Variants in PTPRF observed in about 807,000 individuals in gnomAD.
PTPRF encodes the protein receptor-type tyrosine-protein phosphatase F.
Under a neutral mutation model 201.8 loss-of-function variants are expected in PTPRF, and 59 were observed. That is an observed-to-expected ratio of 0.29 (90% confidence interval 0.24 to 0.36). The LOEUF (loss-of-function observed/expected upper bound fraction) is 0.36. Ranked by LOEUF, PTPRF falls within the 10% of genes least tolerant of loss-of-function variation. The pLI is 1.00. For synonymous variants in PTPRF, 1,088 were observed against 1,089.7 expected (o/e 1.00, Z 0.03); for missense variants, 2,132 against 2,690.5 (o/e 0.79, Z 4.59).
Position 43,554,076 on chromosome 1 carries a change from C to T in PTPRF, c.379+135C>T. 8.3e-7 allele frequency: 1 copy of T among 1,211,740 alleles called. No homozygotes were observed. Among genetic ancestry groups the T allele is most frequent in the South Asian group, 1.5e-5 (1 of 66,412 alleles). The allele number at this position is 1,211,740 out of a possible 1,614,324, so 75.1% of individuals were successfully genotyped here. On this transcript the variant is annotated intron_variant, in intron 5 of 33. Coordinates refer to ENST00000359947, the MANE Select transcript of PTPRF (RefSeq NM_002840.5). This position sits in a 1 kb window ranked among gnomAD's most constrained non-coding sequence, Gnocchi z 4.1. The stretch of plus-strand genomic sequence containing the variant: ...TGGCCACCTCGGGGTCAGTGAAAGT[C>T]AGTGGTGGACAGGGATAGTCATTGG...
chr1:43,601,171 G>C (rs1466232888), intron 13 of PTPRF, among the ~76,000 whole-genome samples: 1 of 152,218 alleles, frequency 6.6e-6, no homozygotes, highest in Admixed American at 6.5e-5. Context: ...CGGCACTGTG[G>C]GGGTGCTTGG....
chr1:43,566,400 C>G (rs951209452), intron 5 of PTPRF, among the ~76,000 whole-genome samples: 1 of 152,204 alleles, frequency 6.6e-6, no homozygotes, highest in Non-Finnish European at 1.5e-5. Flanking sequence ...ATCTTACTGT[C>G]CCTCATACCT....
chr1:43,552,536 C>T (rs1645103028), intron 3 of PTPRF, among the ~76,000 whole-genome samples: 1 of 152,198 alleles, frequency 6.6e-6, no homozygotes, highest in Non-Finnish European at 1.5e-5. Flanking sequence ...GCCTGGGCTC[C>T]TGGGGACCAA....
upstream of PTPRF, among the ~76,000 whole-genome samples, chr1:43,527,191 G>T (rs1478004118): frequency 6.6e-6 from 1 of 152,214 alleles, no homozygotes; most frequent in Non-Finnish European, 1.5e-5. Flanking sequence ...TGCACCCTGG[G>T]GCTGGAACAC....
chr1:43,616,127 C>T (rs1030394686), intron 23 of PTPRF, among the ~76,000 whole-genome samples: 2 of 151,884 alleles, frequency 1.3e-5, no homozygotes, highest in South Asian at 4.2e-4. Context: ...GAAGCAGTGA[C>T]GCGGTCCTGT....
At chr1:43,606,150 G>T in intron 19 of PTPRF, 90 bp from the exon 20 acceptor site, 1 of 1,408,456 alleles carries the variant, frequency 7.1e-7, no homozygotes. Flanking sequence ...CCTTGATCTC[G>T]GCCCAGGGAG....
chr1:43,594,812 G>T (rs583040), intron 11 of PTPRF, among the ~76,000 whole-genome samples: 7 of 152,084 alleles, frequency 4.6e-5, no homozygotes. Context: ...TCAAGATGCC[G>T]TGTGCCATCT....
chr1:43,568,674 G>T (rs1053273511), intron 5 of PTPRF, among the ~76,000 whole-genome samples: 3 of 152,208 alleles, frequency 2.0e-5, no homozygotes, highest in Non-Finnish European at 4.4e-5. Context: ...GTGCTTCCAA[G>T]GGGTGGAGAG....
intron 5 of PTPRF, among the ~76,000 whole-genome samples, chr1:43,561,119 CTT>C (rs1219466932): frequency 6.6e-6 from 1 of 152,264 alleles, no homozygotes; most frequent in East Asian, 1.9e-4. Flanking sequence ...CGAAGGACCT[CTT>C]GATATACCCC....
chr1:43,577,095 A>G lies in PTPRF; in HGVS notation c.569-1715A>G, dbSNP rs566868484. 5.3e-5 allele frequency among the ~76,000 whole-genome samples: 8 copies of G among 152,280 alleles called. 1 individual carries two copies. The East Asian group carries it at 1.5e-3, about 29-fold the overall frequency. On this transcript the variant is annotated intron_variant, in intron 6 of 33. Coordinates refer to ENST00000359947, the MANE Select transcript of PTPRF (RefSeq NM_002840.5). Reference sequence around the variant, plus strand: ...GACCACTCTTAGGCTCTTGTTGCAGAGGAACCTCCTATTTTCTGGGTCAGA... The same window carrying G: ...GACCACTCTTAGGCTCTTGTTGCAGGGGAACCTCCTATTTTCTGGGTCAGA...
chr1:43,600,086 GGGTGCTCTCTT>G (rs1353921606), intron 13 of PTPRF, among the ~76,000 whole-genome samples: 5 of 152,226 alleles, frequency 3.3e-5, no homozygotes, highest in African/African-American at 1.2e-4. Context: ...TCTGCCCAGA[GGGTGCTCTCTT>G]CCCCCTCTCA....
At chr1:43,607,025 C>G in intron 21 of PTPRF, 57 bp downstream of exon 21, 1 of 1,591,632 alleles carries the variant, frequency 6.3e-7, no homozygotes, top group East Asian at 2.2e-5. Context: ...CTTTCAGGCC[C>G]TCTCCGGGTG....
At chr1:43,599,500 G>A (rs1246210251) in intron 13 of PTPRF, among the ~76,000 whole-genome samples, 1 of 152,150 alleles carries the variant, frequency 6.6e-6, no homozygotes, top group Non-Finnish European at 1.5e-5. Flanking sequence ...TGGGTCCGTG[G>A]TTGCTGCAAA....
At chr1:43,538,411 C>T in intron 2 of PTPRF, 134 bp downstream of exon 2, 1 of 396,744 alleles carries the variant, frequency 2.5e-6, no homozygotes, top group Non-Finnish European at 4.4e-6. Flanking sequence ...TGACATGATC[C>T]AGTGTGCACT....
At chr1:43,558,684 C>A (rs1005010264) in intron 5 of PTPRF, among the ~76,000 whole-genome samples, 1 of 152,192 alleles carries the variant, frequency 6.6e-6, no homozygotes, top group African/African-American at 2.4e-5. Flanking sequence ...CTGAATCACT[C>A]CCCCTCCAAC....
chr1:43,615,551 CTTTTTTTTTTTTTTTTT>C (rs68193223), intron 23 of PTPRF, among the ~76,000 whole-genome samples: 3 of 84,162 alleles, frequency 3.6e-5, no homozygotes, highest in East Asian at 4.0e-4. Context: ...GCTCTGTTGT[CTTTTTTTTTTTTTTTTT>C]TTTTTTTTTT....
At chr1:43,587,273 G>A (rs1217884105) in intron 7 of PTPRF, among the ~76,000 whole-genome samples, 1 of 152,224 alleles carries the variant, frequency 6.6e-6, no homozygotes, top group Non-Finnish European at 1.5e-5. Flanking sequence ...AATTGGGGCA[G>A]TGGACAACAA....
intron 7 of PTPRF, chr1:43,579,501 G>A (rs1286768389): frequency 2.1e-5 from 7 of 335,230 alleles, no homozygotes; most frequent in Non-Finnish European, 2.9e-5. Flanking sequence ...GTTGCCTCGG[G>A]TGAGCACCTG....
At position 43,622,906 on chromosome 1, in the gene PTPRF, A is replaced by G. The variant is rs1339963179; in HGVS notation, c.*903A>G. 2.0e-5 allele frequency: 3 copies of G among 152,464 alleles called. No individual in the cohort carries two copies. Among genetic ancestry groups the G allele is most frequent in the Admixed American group, 6.5e-5 (1 of 15,278 alleles). The allele number at this position is 152,464 out of a possible 1,614,324, so 9.4% of individuals were successfully genotyped here. ...AAAACAAAAAACCCAAGAAAAAAAAAAAGAGTCAGCCCTTGGCTTCTGCTT... is the reference window on the plus strand; with the variant it reads ...AAAACAAAAAACCCAAGAAAAAAAAGAAGAGTCAGCCCTTGGCTTCTGCTT... On this transcript the variant is annotated 3_prime_UTR_variant, in exon 34 of 34. Coordinates refer to ENST00000359947, the MANE Select transcript of PTPRF (RefSeq NM_002840.5).
Sources: allele counts gnomAD v4.1 joint callset (sites outside exome capture counted in the v4.1 genomes callset), GRCh38; gene constraint gnomAD v4.1.1; non-coding constraint Gnocchi (gnomAD v3.1); transcripts MANE v1.5; gene names NCBI Gene and HGNC (gene_info 2026-07-23, HGNC 2026-07-21).